The following NRXN1 variants were observed in gnomAD, a reference collection of about 807,000 sequenced individuals.
NRXN1 encodes neurexin-1.
NRXN1 carries 39 observed loss-of-function variants against 150.9 expected under a neutral mutation model. The ratio of observed to expected loss-of-function variants is 0.26; its 90% CI spans 0.20 to 0.34. The LOEUF (loss-of-function observed/expected upper bound fraction) is 0.34, where lower values mean the gene tolerates loss of function less well. Among genes scored for constraint, NRXN1 ranks in the 10% least tolerant of loss-of-function variants. The probability of loss-of-function intolerance (pLI) is 1.00; values close to 1 mark genes in which losing one functional copy is unlikely to be tolerated. For synonymous variants in NRXN1, 924 were observed against 757.0 expected (o/e 1.22, Z -3.62); for missense variants, 1,815 against 1,949.9 (o/e 0.93, Z 1.30).
chr2:50,563,823 T>C (rs1669469073), intron 8 of NRXN1, among the ~76,000 whole-genome samples: 1 of 152,220 alleles, frequency 6.6e-6, no homozygotes, highest in African/African-American at 2.4e-5. Flanking sequence ...GGTTATCCAG[T>C]TGGTGGATTA....
chr2:50,986,657 A>G (rs1366366301), intron 2 of NRXN1, among the ~76,000 whole-genome samples: 4 of 151,714 alleles, frequency 2.6e-5, no homozygotes, highest in Non-Finnish European at 4.4e-5. Context: ...TGCAAACTAC[A>G]TATCTGTAAA....
intron 5 of NRXN1, among the ~76,000 whole-genome samples, chr2:50,725,351 A>T (rs779206980): frequency 6.6e-6 from 1 of 152,030 alleles, no homozygotes; most frequent in African/African-American, 2.4e-5. Context: ...ACTTAAAAAA[A>T]AAAACCCACA....
intron 17 of NRXN1, among the ~76,000 whole-genome samples, chr2:50,419,365 A>C (rs1319180346): frequency 6.6e-6 from 1 of 152,068 alleles, no homozygotes; most frequent in East Asian, 1.9e-4. Flanking sequence ...CTAAAGTTTC[A>C]CAGCGAATAA....
intron 5 of NRXN1, among the ~76,000 whole-genome samples, chr2:50,817,268 A>G (rs1319990741): frequency 6.6e-6 from 1 of 152,142 alleles, no homozygotes; most frequent in Non-Finnish European, 1.5e-5. Flanking sequence ...CAGAAAAAGT[A>G]TATAAATTCC....
At chr2:50,789,174 A>T in intron 5 of NRXN1, among the ~76,000 whole-genome samples, 1 of 152,336 alleles carries the variant, frequency 6.6e-6, no homozygotes, top group East Asian at 1.9e-4. Context: ...ATATGCATAT[A>T]GACAGCTACA....
At chr2:50,512,503 G>A (rs920140883) in intron 12 of NRXN1, among the ~76,000 whole-genome samples, 16 of 152,140 alleles carry the variant, frequency 1.1e-4, no homozygotes, top group Non-Finnish European at 1.9e-4. Context: ...AGACTACTAA[G>A]TGAATGTATT....
At position 50,981,819 on chromosome 2, in the gene NRXN1, A is replaced by ATGTG. The variant is rs57306719; in HGVS notation, c.772+45679_772+45682dup. 4.7e-4 allele frequency among the ~76,000 whole-genome samples: 70 copies of ATGTG among 149,236 alleles called. 1 individual carries two copies. Among genetic ancestry groups the ATGTG allele is most frequent in the African/African-American group, 1.6e-3 (65 of 40,542 alleles). On this transcript the variant is annotated intron_variant, in intron 2 of 22. Transcript: ENST00000401669. ...AGCCTAATAATTGTTTGAATAAACAATGTGTGTGTGTGTGTGTGTGTGTAT... is the reference window on the plus strand; with the variant it reads ...AGCCTAATAATTGTTTGAATAAACAATGTGTGTGTGTGTGTGTGTGTGTGTGTAT...
At chr2:50,062,289 A>G (rs1230169751) in intron 19 of NRXN1, among the ~76,000 whole-genome samples, 1 of 152,076 alleles carries the variant, frequency 6.6e-6, no homozygotes, top group Non-Finnish European at 1.5e-5. Context: ...CATTAATGGG[A>G]TTAGTGCCCT....
rs544997459 is a variant in NRXN1, at chr2:50,140,622, C to T, written c.3547-49128G>A. Among the ~76,000 whole-genome samples, 9 of 151,854 alleles carry T rather than the reference C, an allele frequency of 5.9e-5. No individual in the cohort carries two copies. The East Asian group carries it at 1.5e-3, about 26-fold the overall frequency. On this transcript the variant is annotated intron_variant, in intron 18 of 22. Coordinates refer to ENST00000401669, the MANE Select transcript of NRXN1 (RefSeq NM_001330078.2). ...TTCACTTCCATTCGATACTCTCCTA[C>T]AGAAATGTAGACCACTTTGTTCGAT...
intron 18 of NRXN1, among the ~76,000 whole-genome samples, chr2:50,209,277 C>A (rs1360181203): frequency 6.6e-6 from 1 of 152,126 alleles, no homozygotes; most frequent in Non-Finnish European, 1.5e-5. Flanking sequence ...TCATTATAAA[C>A]ACTAGAGATT....
chr2:50,078,198 T>C (rs989378029), intron 19 of NRXN1, among the ~76,000 whole-genome samples: 2 of 152,106 alleles, frequency 1.3e-5, no homozygotes, highest in African/African-American at 4.8e-5. Context: ...GCTATTCTTC[T>C]GGAATAAATC....
chr2:50,141,848 T>A (rs1338919476), intron 18 of NRXN1, among the ~76,000 whole-genome samples: 3 of 152,066 alleles, frequency 2.0e-5, no homozygotes, highest in Admixed American at 6.6e-5. Flanking sequence ...TACACATTGT[T>A]GGTGGGGATG....
At chr2:49,925,281 CAAA>C (rs772838099) in intron 22 of NRXN1, among the ~76,000 whole-genome samples, 14 of 80,952 alleles carry the variant, frequency 1.7e-4, no homozygotes, top group Admixed American at 1.4e-4. Context: ...CTGCCTCAAC[CAAA>C]AAAAAAAAAA....
intron 21 of NRXN1, among the ~76,000 whole-genome samples, chr2:50,011,869 T>C (rs543186022): frequency 5.9e-5 from 9 of 152,206 alleles, no homozygotes; most frequent in Admixed American, 6.5e-5. Context: ...TCATTTTATA[T>C]ACATAAAAAT....
intron 18 of NRXN1, among the ~76,000 whole-genome samples, chr2:50,227,442 G>C (rs1348689639): frequency 6.6e-6 from 1 of 152,092 alleles, no homozygotes; most frequent in East Asian, 1.9e-4. Flanking sequence ...TTGCAGAGCA[G>C]TGGGAGAAAA....
chr2:50,321,124 G>A (rs2076008787), intron 17 of NRXN1, among the ~76,000 whole-genome samples: 1 of 152,146 alleles, frequency 6.6e-6, no homozygotes. Flanking sequence ...TTAACATTAG[G>A]TAGCCTCACT....
chr2:50,190,958 CA>C (rs1291328014), intron 18 of NRXN1, among the ~76,000 whole-genome samples: 1 of 152,066 alleles, frequency 6.6e-6, no homozygotes, highest in Non-Finnish European at 1.5e-5. Flanking sequence ...CTTTTATTTA[CA>C]AACCTTTTAT....
chr2:50,952,845 C>T (rs1167072988), intron 2 of NRXN1, among the ~76,000 whole-genome samples: 1 of 152,172 alleles, frequency 6.6e-6, no homozygotes, highest in African/African-American at 2.4e-5. Flanking sequence ...TCCCATTTTA[C>T]ATACGTTGCC....
rs1553457969 is a variant in NRXN1, at chr2:50,334,192, A to AATATAT, written c.3365-97228_3365-97223dup. Among the ~76,000 whole-genome samples the AATATAT allele has an allele frequency of 1.0e-4, 12 of 118,980 alleles. 1 individual carries two copies. Among genetic ancestry groups the AATATAT allele is most frequent in the African/African-American group, 3.5e-4 (8 of 23,140 alleles). 78.1% of individuals were successfully genotyped at this position (118,980 alleles called of 152,430 possible). ...CTGCCTTTCCTTAAGACCAGGACCA[A>AATATAT]ATATATATATATATATATATGTATG... On this transcript the variant is annotated intron_variant, in intron 17 of 22. Transcript: ENST00000401669.
Sources: allele counts gnomAD v4.1 joint callset (sites outside exome capture counted in the v4.1 genomes callset), GRCh38; gene constraint gnomAD v4.1.1; transcripts MANE v1.5; gene names NCBI Gene and HGNC (gene_info 2026-07-23, HGNC 2026-07-21).